INTS7: variants seen among roughly 807,000 people sequenced by gnomAD.
INTS7 encodes the protein integrator complex subunit 7.
Under a neutral mutation model 109.2 loss-of-function variants are expected in INTS7, and 46 were observed. The ratio of observed to expected loss-of-function variants is 0.42; its 90% CI spans 0.33 to 0.54. The LOEUF (loss-of-function observed/expected upper bound fraction) is 0.54, where lower values mean the gene tolerates loss of function less well. INTS7 is among the 20% of genes least tolerant of loss of function. The pLI is 0.07. For missense variants in INTS7, 929 were observed against 1,132.4 expected (o/e 0.82, Z 2.58); for synonymous variants, 412 against 402.9 (o/e 1.02, Z -0.27).
intron 16 of INTS7, among the ~76,000 whole-genome samples, chr1:211,965,546 C>G (rs890220594): frequency 2.0e-5 from 3 of 152,192 alleles, no homozygotes; most frequent in African/African-American, 7.2e-5. Context: ...TGGAATTAAC[C>G]TAAATGCCCA....
rs572745007 is a variant in INTS7 at position 212,022,628 on chromosome 1, G to T, written c.95-1416C>A. 3.3e-5 allele frequency among the ~76,000 whole-genome samples: 5 copies of T among 152,292 alleles called. No homozygotes were observed. In the South Asian group the frequency reaches 1.0e-3, roughly 32 times the overall value. On this transcript the variant is annotated intron_variant, in intron 1 of 19. Coordinates refer to ENST00000366994, the MANE Select transcript of INTS7 (RefSeq NM_015434.4). The stretch of plus-strand genomic sequence containing the variant: ...ACTAGAATGGCAAAAACTTTAAAAA[G>T]ACCAACAATGTCAAGTGCTAATGAG...
At chr1:212,034,383 A>G (rs1250848826) in intron 1 of INTS7, among the ~76,000 whole-genome samples, 1 of 152,178 alleles carries the variant, frequency 6.6e-6, no homozygotes, top group Non-Finnish European at 1.5e-5. Context: ...AAGTTAATAG[A>G]CATGTCCAAC....
At chr1:212,027,162 G>C (rs1197368498) in intron 1 of INTS7, among the ~76,000 whole-genome samples, 1 of 152,150 alleles carries the variant, frequency 6.6e-6, no homozygotes, top group African/African-American at 2.4e-5. Flanking sequence ...CCGAAGGACA[G>C]GAGCTAAGGT....
chr1:212,014,291 C>T (rs557276132), intron 4 of INTS7, among the ~76,000 whole-genome samples: 88 of 151,914 alleles, frequency 5.8e-4, no homozygotes, highest in African/African-American at 2.0e-3. Context: ...GTGCTGAAAC[C>T]CCATCTTTAC....
At position 211,987,985 on chromosome 1, in the gene INTS7, G is replaced by A. The variant is rs1664969828; in HGVS notation, c.898C>T (p.Leu300Phe). The change falls in exon 8 of 20, where the codon CTC becomes TTC. Residue 300 changes from leucine (L) to phenylalanine (F), a missense_variant. By Grantham distance (22) the Leu-to-Phe change is conservative (BLOSUM62 0). Coordinates refer to ENST00000366994, the MANE Select transcript of INTS7 (RefSeq NM_015434.4). ...ENIQALCECA[L>F]QTPYDSLKLG... is the part of the protein sequence containing the mutation. ...TTTAAGCTGTCATAAGGAGTCTGGAGGGCACACTCACAAAGTGCCTGGAAT... is the reference window on the plus strand; with the variant it reads ...TTTAAGCTGTCATAAGGAGTCTGGAAGGCACACTCACAAAGTGCCTGGAAT... 6.2e-7 allele frequency: 1 copy of A among 1,603,062 alleles called. No individual in the cohort carries two copies. Among genetic ancestry groups the A allele is most frequent in the Non-Finnish European group, 8.5e-7 (1 of 1,170,962 alleles).
chr1:211,954,566 T>C (rs1045259931), intron 16 of INTS7, among the ~76,000 whole-genome samples: 8 of 152,238 alleles, frequency 5.3e-5, no homozygotes, highest in Admixed American at 4.6e-4. Context: ...CTTGAATTAA[T>C]TTTTGTATAA....
rs996481491 is a variant in INTS7 at position 211,959,187 on chromosome 1, C to A, written c.2184-6486G>T. Among the ~76,000 whole-genome samples, 1 of 152,170 alleles carries A rather than the reference C, an allele frequency of 6.6e-6. No homozygotes were observed. Among genetic ancestry groups the A allele is most frequent in the African/African-American group, 2.4e-5 (1 of 41,426 alleles). On this transcript the variant is annotated intron_variant, in intron 16 of 19. Transcript: ENST00000366994. This position sits in a 1 kb window ranked among gnomAD's most constrained non-coding sequence, Gnocchi z 4.2. ...GAGCCCAAAGGGTTTGGTGTGTGAG[C>A]ATCTGTAGTGGAATACGGCCAGGGG...
chr1:211,944,798 C>T lies in INTS7; in HGVS notation c.2587G>A (p.Gly863Arg). Residue 863 changes from glycine (G) to arginine (R), a missense_variant, in exon 19 of 20, where the codon GGA (glycine) becomes AGA (arginine). Coordinates refer to ENST00000366994, the MANE Select transcript of INTS7 (RefSeq NM_015434.4). ...NVSSTLQSKSGQDYKIPIDNM... is the reference protein window; with the variant it reads ...NVSSTLQSKSRQDYKIPIDNM... Reference sequence around the variant, plus strand: ...TTCTAAATTACCTTGTAGTCTTGTCCAGATTTACTCTGCAGTGTGGAAGAA... The same window carrying T: ...TTCTAAATTACCTTGTAGTCTTGTCTAGATTTACTCTGCAGTGTGGAAGAA... The T allele has an allele frequency of 1.2e-6, 2 of 1,613,832 alleles. No individual in the cohort carries two copies. Among genetic ancestry groups the T allele is most frequent in the Non-Finnish European group, 1.7e-6 (2 of 1,179,772 alleles).
At chr1:212,019,470 T>C (rs1042518537) in intron 3 of INTS7, among the ~76,000 whole-genome samples, 5 of 152,060 alleles carry the variant, frequency 3.3e-5, no homozygotes, top group Non-Finnish European at 7.4e-5. Flanking sequence ...ACTTCCTGGT[T>C]AAAAAGAAGA....
In INTS7 at chr1:211,982,735, C is replaced by G. The variant is rs1191584977; in HGVS notation, c.1073G>C (p.Gly358Ala). ...AQECCYHNNR[G>A]IAAHGVRVLT... ...GACTCTAACTCCATGAGCTGCAATG[C>G]CCCTGTTATTATGGTAACAGCACTC... Residue 358 changes from glycine to alanine, a missense_variant, in exon 9 of 20, where the codon GGC becomes GCC. Coordinates refer to ENST00000366994, the MANE Select transcript of INTS7 (RefSeq NM_015434.4). 6.2e-7 allele frequency: 1 copy of G among 1,611,444 alleles called. No homozygotes were observed.
intron 18 of INTS7, 56 bp from the exon 19 acceptor site, chr1:211,945,025 C>T: frequency 3.2e-6 from 5 of 1,540,620 alleles, no homozygotes; most frequent in Non-Finnish European, 4.5e-6. Context: ...TTCCTTCCGA[C>T]AAACATGTCT....
At chr1:212,016,505 A>G (rs560498303) in intron 4 of INTS7, among the ~76,000 whole-genome samples, 2 of 152,360 alleles carry the variant, frequency 1.3e-5, no homozygotes, top group Non-Finnish European at 2.9e-5. Flanking sequence ...AACTGTGGAC[A>G]GCTCTAATGC....
At chr1:211,974,288 T>TATATATAC (rs1258358740) in intron 13 of INTS7, among the ~76,000 whole-genome samples, 1 of 106,828 alleles carries the variant, frequency 9.4e-6, no homozygotes, top group Non-Finnish European at 1.9e-5. Flanking sequence ...TATATATATA[T>TATATATAC]ATATATATAT....
intron 1 of INTS7, chr1:212,025,548 T>C (rs1666879873): frequency 6.4e-6 from 1 of 156,344 alleles, no homozygotes; most frequent in Admixed American, 6.4e-5. Context: ...GCATTAAGAA[T>C]TTGCCCTTTC....
chr1:211,997,397 A>G (rs1310727392), intron 7 of INTS7, among the ~76,000 whole-genome samples: 3 of 151,702 alleles, frequency 2.0e-5, no homozygotes, highest in Admixed American at 2.0e-4. Flanking sequence ...TTAGACAGGC[A>G]TGGTGGCGTG....
chr1:211,975,910 C>T (rs1450215108), intron 12 of INTS7, among the ~76,000 whole-genome samples: 1 of 152,076 alleles, frequency 6.6e-6, no homozygotes, highest in East Asian at 1.9e-4. Flanking sequence ...CTTCAATCAC[C>T]TAGAGTAATG....
intron 4 of INTS7, among the ~76,000 whole-genome samples, chr1:212,014,959 G>A (rs951963252): frequency 1.2e-4 from 18 of 152,294 alleles, no homozygotes; most frequent in Admixed American, 1.3e-4. Context: ...CCGCCACCCC[G>A]TCTGGGAAGT....
At chr1:212,001,445 AAAT>A (rs1665668177) in intron 7 of INTS7, among the ~76,000 whole-genome samples, 2 of 152,196 alleles carry the variant, frequency 1.3e-5, no homozygotes, top group South Asian at 2.1e-4. Context: ...AAAGTATTTG[AAAT>A]AATAATAAAA....
At position 211,941,795 on chromosome 1, in the gene INTS7, T is replaced by C; in HGVS notation, c.*29A>G. 1 of 1,604,180 alleles carries C rather than the reference T, an allele frequency of 6.2e-7. No homozygotes were observed. Among genetic ancestry groups the C allele is most frequent in the East Asian group, 2.2e-5 (1 of 44,598 alleles). On this transcript the variant is annotated 3_prime_UTR_variant, in exon 20 of 20. Coordinates refer to ENST00000366994, the MANE Select transcript of INTS7 (RefSeq NM_015434.4). ...GTTTCTGGCAATTTGATTGATCTCT[T>C]GAGAGTCTGCAGTGCATTCATTCCA...
Sources: allele counts gnomAD v4.1 joint callset (sites outside exome capture counted in the v4.1 genomes callset), GRCh38; gene constraint gnomAD v4.1.1; non-coding constraint Gnocchi (gnomAD v3.1); transcripts MANE v1.5; gene names NCBI Gene and HGNC (gene_info 2026-07-23, HGNC 2026-07-21).